The following CYP2C19 variants were observed in gnomAD, a reference collection of about 807,000 sequenced individuals.
The protein encoded by CYP2C19 is cytochrome P450 2C19.
A neutral mutation model predicts 40.9 loss-of-function variants in CYP2C19; 59 were observed. That is an observed-to-expected ratio of 1.44 (90% CI 1.17 to 1.79). The LOEUF (loss-of-function observed/expected upper bound fraction) is 1.79. Among genes scored for constraint, CYP2C19 ranks in the 40% most tolerant of loss-of-function variants. The pLI is 0.00. For synonymous variants in CYP2C19, 253 were observed against 208.7 expected, an observed-to-expected ratio of 1.21 and a Z score of -1.83; for missense variants, 754 against 596.9, an observed-to-expected ratio of 1.26 and a Z score of -2.74.
At chr10:94,814,121 C>T (rs1481098456) in intron 5 of CYP2C19, among the ~76,000 whole-genome samples, 1 of 151,194 alleles carries the variant, frequency 6.6e-6, no homozygotes, top group Non-Finnish European at 1.5e-5. Flanking sequence ...CACCTACTGT[C>T]TAAACATTCC....
intron 5 of CYP2C19, among the ~76,000 whole-genome samples, chr10:94,795,703 G>C (rs543776804): frequency 6.6e-6 from 1 of 152,110 alleles, no homozygotes; most frequent in East Asian, 1.9e-4. Context: ...GTTCTAACTG[G>C]TGTGAGATGG....
intron 6 of CYP2C19, among the ~76,000 whole-genome samples, chr10:94,823,405 C>T (rs770675898): frequency 6.6e-6 from 1 of 152,136 alleles, no homozygotes; most frequent in Admixed American, 6.6e-5. Context: ...TGGTAAGGGT[C>T]CACACCTTCA....
chr10:94,813,621 C>T (rs1231165392), intron 5 of CYP2C19, among the ~76,000 whole-genome samples: 1 of 151,908 alleles, frequency 6.6e-6, no homozygotes, highest in Non-Finnish European at 1.5e-5. Context: ...CAATGGCAGA[C>T]TCCCCTCAAC....
intron 1 of CYP2C19, among the ~76,000 whole-genome samples, chr10:94,765,572 A>C (rs1412039462): frequency 6.6e-6 from 1 of 152,098 alleles, no homozygotes; most frequent in East Asian, 1.9e-4. Flanking sequence ...TGGAGAAAAA[A>C]CCGTTCTGTG....
In CYP2C19 at chr10:94,816,054, A is replaced by G. The variant is rs150042108; in HGVS notation, c.820-4442A>G. 3.3e-5 allele frequency among the ~76,000 whole-genome samples: 5 copies of G among 152,174 alleles called. No homozygotes were observed. In the East Asian group the frequency reaches 9.7e-4, roughly 29 times the overall value. ...ATTTGTGTTTTGAGAATGAAAGAGGAAATAGAAGAAGTGGATCTAGAGATC... is the reference window on the plus strand; with the variant it reads ...ATTTGTGTTTTGAGAATGAAAGAGGGAATAGAAGAAGTGGATCTAGAGATC... On this transcript the variant is annotated intron_variant, in intron 5 of 8. Coordinates refer to ENST00000371321, the MANE Select transcript of CYP2C19 (RefSeq NM_000769.4).
At chr10:94,826,224 A>T (rs996530568) in intron 6 of CYP2C19, among the ~76,000 whole-genome samples, 4 of 152,020 alleles carry the variant, frequency 2.6e-5, no homozygotes, top group African/African-American at 9.7e-5. Context: ...TGGGGATGGC[A>T]TTGAATCTGT....
chr10:94,824,186 T>C (rs1307638860), intron 6 of CYP2C19, among the ~76,000 whole-genome samples: 2 of 152,312 alleles, frequency 1.3e-5, no homozygotes, highest in Admixed American at 6.5e-5. Context: ...GTCAGAATGA[T>C]ATAAGCAATG....
intron 5 of CYP2C19, among the ~76,000 whole-genome samples, chr10:94,809,140 G>C (rs1297923367): frequency 3.3e-5 from 5 of 152,182 alleles, no homozygotes; most frequent in African/African-American, 1.2e-4. Context: ...ACTGGGGTGA[G>C]ATGATATCTT....
intron 5 of CYP2C19, among the ~76,000 whole-genome samples, chr10:94,814,436 C>A (rs539214839): frequency 2.0e-5 from 3 of 151,852 alleles, no homozygotes; most frequent in African/African-American, 7.2e-5. Flanking sequence ...ATTCCAAAAT[C>A]TCTAGAGTGA....
intron 5 of CYP2C19, among the ~76,000 whole-genome samples, chr10:94,791,939 A>G (rs1226647052): frequency 6.6e-6 from 1 of 151,582 alleles, no homozygotes; most frequent in Non-Finnish European, 1.5e-5. Context: ...TTCTGTCTCG[A>G]TCTGTCAAAT....
At chr10:94,783,860 A>G (rs1172708245) in intron 5 of CYP2C19, among the ~76,000 whole-genome samples, 1 of 152,172 alleles carries the variant, frequency 6.6e-6, no homozygotes, top group Non-Finnish European at 1.5e-5. Context: ...TTTTGACAGG[A>G]TTGCATTAAA....
chr10:94,797,895 G>A (rs972080409), intron 5 of CYP2C19, among the ~76,000 whole-genome samples: 9 of 151,700 alleles, frequency 5.9e-5, no homozygotes, highest in Non-Finnish European at 2.9e-5. Context: ...TTCTTTATTA[G>A]TCTTCCTAGT....
chr10:94,853,185 A>G lies in CYP2C19; in HGVS notation c.*271A>G, dbSNP rs985227494. 1.0e-4 allele frequency: 44 copies of G among 438,816 alleles called. No individual in the cohort carries two copies. Among genetic ancestry groups the G allele is most frequent in the Non-Finnish European group, 1.4e-4 (35 of 249,694 alleles). The allele number at this position is 438,816 out of a possible 1,614,324, so 27.2% of individuals were successfully genotyped here. On this transcript the variant is annotated 3_prime_UTR_variant, in exon 9 of 9. Transcript: ENST00000371321. ...TTAACATATTATTATTAAATAGAGA[A>G]AGATGATTTGTGTATTATAATTCAA...
chr10:94,842,994 C>A lies in CYP2C19; in HGVS notation c.1119C>A (p.Asp373Glu), dbSNP rs150933530. 3.7e-6 allele frequency: 6 copies of A among 1,614,194 alleles called. No individual in the cohort carries two copies. The highest frequency in any genetic ancestry group is 8.5e-7 in the Non-Finnish European group (1 of 1,180,032). Residue 373 changes from aspartate (D) to glutamate (E), a missense_variant, in exon 7 of 9, where the codon GAC (aspartate) becomes GAA (glutamate). By Grantham distance (45) the Asp-to-Glu change is conservative. Coordinates refer to ENST00000371321, the MANE Select transcript of CYP2C19 (RefSeq NM_000769.4). Reference protein sequence around the residue: ...PTSLPHAVTCDVKFRNYLIPK... With the variant: ...PTSLPHAVTCEVKFRNYLIPK... ...GCCTGCCCCATGCAGTGACCTGTGACGTTAAATTCAGAAACTACCTCATTC... is the reference window on the plus strand; with the variant it reads ...GCCTGCCCCATGCAGTGACCTGTGAAGTTAAATTCAGAAACTACCTCATTC...
Position 94,842,958 on chromosome 10 carries a change from C to T in CYP2C19, c.1083C>T (p.Leu361=). 1 of 1,614,216 alleles carries T rather than the reference C, an allele frequency of 6.2e-7. No individual in the cohort carries two copies. The highest frequency in any genetic ancestry group is 1.7e-5 in the Admixed American group (1 of 60,028). The stretch of plus-strand genomic sequence containing the variant: ...ACGAGGTCCAGAGATACATCGACCT[C>T]ATCCCCACCAGCCTGCCCCATGCAG... ...VVHEVQRYID[L]IPTSLPHAVT... The change falls in exon 7 of 9, where the codon CTC becomes CTT. Residue 361 remains leucine, a synonymous_variant. Transcript: ENST00000371321.
chr10:94,849,825 T>C, intron 7 of CYP2C19, 92 bp from the exon 8 acceptor site: 6 of 1,470,464 alleles, frequency 4.1e-6, no homozygotes, highest in Non-Finnish European at 5.7e-6. Context: ...TCATCATCTG[T>C]ACATCAAAAG....
intron 6 of CYP2C19, among the ~76,000 whole-genome samples, chr10:94,826,735 C>T (rs552897608): frequency 6.8e-4 from 104 of 152,214 alleles, no homozygotes; most frequent in African/African-American, 2.2e-3. Flanking sequence ...CTGTCTTGTG[C>T]CAGTTTTCAA....
intron 6 of CYP2C19, among the ~76,000 whole-genome samples, chr10:94,830,728 T>C (rs1316486054): frequency 1.3e-5 from 2 of 152,232 alleles, no homozygotes; most frequent in African/African-American, 2.4e-5. Flanking sequence ...CTAACGTATA[T>C]GTACATACAG....
In CYP2C19 at chr10:94,789,357, C is replaced by G. The variant is rs114659297; in HGVS notation, c.819+7360C>G. ...GAAGCTCTTTAGTTTAATGAGATCT[C>G]ATTAGTCAATTTTGGTTTTTGTTGC... On this transcript the variant is annotated intron_variant, in intron 5 of 8. Transcript: ENST00000371321. 3.4e-3 allele frequency among the ~76,000 whole-genome samples: 513 copies of G among 152,094 alleles called. 2 individuals carry two copies. The highest frequency in any genetic ancestry group is 0.012 in the African/African-American group (497 of 41,512).
Sources: allele counts gnomAD v4.1 joint callset (sites outside exome capture counted in the v4.1 genomes callset), GRCh38; gene constraint gnomAD v4.1.1; transcripts MANE v1.5; gene names NCBI Gene and HGNC (gene_info 2026-07-23, HGNC 2026-07-21).